The following PTPRD variants were observed in gnomAD, a reference collection of about 807,000 sequenced individuals.
PTPRD encodes the protein protein tyrosine phosphatase receptor type D, also known as receptor-type tyrosine-protein phosphatase delta.
A neutral mutation model predicts 214.5 loss-of-function variants in PTPRD; 34 were observed. The observed-to-expected ratio is 0.16, with a 90% confidence interval of 0.12 to 0.21. PTPRD has a LOEUF of 0.21. PTPRD is among the 10% of genes least tolerant of loss of function. PTPRD has a pLI of 1.00. For missense variants in PTPRD, 2,545 were observed against 2,398.7 expected (o/e 1.06, Z -1.27); for synonymous variants, 1,128 against 845.7 (o/e 1.33, Z -5.79).
At chr9:10,432,672 C>G (rs73406168) in intron 2 of PTPRD, among the ~76,000 whole-genome samples, 6,364 of 151,974 alleles carry the variant, frequency 0.042, 463 homozygotes, top group African/African-American at 0.14. Flanking sequence ...GATTAAAACA[C>G]CAATGCCCTC....
chr9:9,707,041 G>C (rs918845172), intron 7 of PTPRD, among the ~76,000 whole-genome samples: 3 of 152,090 alleles, frequency 2.0e-5, no homozygotes, highest in Non-Finnish European at 4.4e-5. Flanking sequence ...TATTATCTGA[G>C]ATTACAGATA....
At chr9:10,326,137 T>C (rs758411098) in intron 3 of PTPRD, among the ~76,000 whole-genome samples, 36 of 151,716 alleles carry the variant, frequency 2.4e-4, no homozygotes, top group Non-Finnish European at 1.0e-4. Context: ...AAAAACAATC[T>C]ACCATATTTG....
At position 8,618,920 on chromosome 9, in the gene PTPRD, T is replaced by G. The variant is rs866015854; in HGVS notation, c.352+14397A>C. 8.0e-3 allele frequency among the ~76,000 whole-genome samples: 1,131 copies of G among 141,304 alleles called. 19 individuals carry two copies. The highest frequency in any genetic ancestry group is 0.028 in the African/African-American group (1,062 of 37,698). 92.7% of individuals were successfully genotyped at this position (141,304 alleles called of 152,430 possible). A position where few individuals can be genotyped will look rare whatever the true frequency, so the allele number is the denominator to read the frequency against. ...TGTTTGTCTGTGTTTTTTTGTTTTT[T>G]TTTTTTTTTTTTTTTTTTTACCGGA... On this transcript the variant is annotated intron_variant, in intron 14 of 45. Transcript: ENST00000381196.
intron 11 of PTPRD, among the ~76,000 whole-genome samples, chr9:8,796,493 C>G (rs2096428082): frequency 6.6e-6 from 1 of 152,096 alleles, no homozygotes; most frequent in Non-Finnish European, 1.5e-5. Context: ...TATCAGTCAT[C>G]AGAGTACTTG....
chr9:8,873,736 G>T (rs1037754646), intron 11 of PTPRD, among the ~76,000 whole-genome samples: 1 of 152,198 alleles, frequency 6.6e-6, no homozygotes, highest in Non-Finnish European at 1.5e-5. Context: ...AAAGCATTGG[G>T]GGACTAGGTC....
intron 5 of PTPRD, among the ~76,000 whole-genome samples, chr9:9,830,333 T>C (rs1251710778): frequency 1.3e-5 from 2 of 151,880 alleles, no homozygotes; most frequent in Non-Finnish European, 2.9e-5. Context: ...TTTGTTTTCA[T>C]TTCATTTTAA....
intron 3 of PTPRD, among the ~76,000 whole-genome samples, chr9:10,276,044 T>C (rs2094669744): frequency 6.6e-6 from 1 of 152,226 alleles, no homozygotes; most frequent in Non-Finnish European, 1.5e-5. Flanking sequence ...TTAGTGACCC[T>C]GTACTAATGT....
chr9:9,052,592 C>T (rs950507619), intron 10 of PTPRD, among the ~76,000 whole-genome samples: 7 of 152,136 alleles, frequency 4.6e-5, no homozygotes, highest in Non-Finnish European at 8.8e-5. Flanking sequence ...GTAAGTCATA[C>T]AGTTAAGAGA....
intron 9 of PTPRD, among the ~76,000 whole-genome samples, chr9:9,242,473 C>T (rs567644385): frequency 3.3e-5 from 5 of 152,266 alleles, no homozygotes; most frequent in East Asian, 1.9e-4. Context: ...CTGTCACTTT[C>T]AGGTACACCA....
At chr9:9,094,029 C>A (rs540415851) in intron 10 of PTPRD, among the ~76,000 whole-genome samples, 1 of 152,132 alleles carries the variant, frequency 6.6e-6, no homozygotes, top group African/African-American at 2.4e-5. Context: ...TTAAGCTCAA[C>A]TTTATTAACA....
In PTPRD at chr9:10,306,229, A is replaced by G. The variant is rs374693554; in HGVS notation, c.-545+34734T>C. Among the ~76,000 whole-genome samples, 116 of 142,200 alleles carry G rather than the reference A, an allele frequency of 8.2e-4. 2 individuals are homozygous for G. The South Asian group carries it at 0.025, about 31-fold the overall frequency. The allele number at this position is 142,200 out of a possible 152,430, so 93.3% of individuals were successfully genotyped here. On this transcript the variant is annotated intron_variant, in intron 3 of 45. Coordinates refer to ENST00000381196, the MANE Select transcript of PTPRD (RefSeq NM_002839.4). ...TAAGTGGGAGTTGAACAATGAGAAC[A>G]CATGGACACAGGGAGGGGAACATCA...
intron 3 of PTPRD, among the ~76,000 whole-genome samples, chr9:10,219,870 G>T (rs1173374260): frequency 4.0e-5 from 6 of 151,598 alleles, no homozygotes; most frequent in Admixed American, 1.3e-4. Context: ...AACAAAGCCA[G>T]AAAGATTCAT....
intron 8 of PTPRD, among the ~76,000 whole-genome samples, chr9:9,544,525 A>C (rs7850061): frequency 2.0e-5 from 3 of 151,434 alleles, no homozygotes; most frequent in Non-Finnish European, 1.5e-5. Flanking sequence ...ATGATGCTAA[A>C]AGCAGTTTGA....
intron 10 of PTPRD, among the ~76,000 whole-genome samples, chr9:9,140,857 C>T (rs1334861269): frequency 1.3e-5 from 2 of 152,100 alleles, no homozygotes; most frequent in Non-Finnish European, 2.9e-5. Context: ...GGATTACAGG[C>T]GTGAGCCACC....
intron 3 of PTPRD, among the ~76,000 whole-genome samples, chr9:10,203,160 CCT>C: frequency 6.7e-6 from 1 of 149,758 alleles, no homozygotes; most frequent in Admixed American, 6.7e-5. Context: ...CTGTCTTCTC[CCT>C]CTCTCTCTTT....
At chr9:8,761,835 A>T in intron 11 of PTPRD, among the ~76,000 whole-genome samples, 1 of 152,178 alleles carries the variant, frequency 6.6e-6, no homozygotes, top group East Asian at 1.9e-4. Context: ...AAGAAGGAAG[A>T]TGAGATTACA....
chr9:10,506,121 A>C (rs896578351), intron 2 of PTPRD, among the ~76,000 whole-genome samples: 2 of 152,192 alleles, frequency 1.3e-5, no homozygotes, highest in African/African-American at 4.8e-5. Context: ...CATATTTCAT[A>C]GAAGAATGTA....
intron 2 of PTPRD, among the ~76,000 whole-genome samples, chr9:10,484,160 C>A (rs1566416281): frequency 6.6e-6 from 1 of 151,974 alleles, no homozygotes; most frequent in Non-Finnish European, 1.5e-5. Context: ...TTGGATGGAA[C>A]TGGATTCTTT....
intron 3 of PTPRD, among the ~76,000 whole-genome samples, chr9:10,297,088 T>C (rs1017742611): frequency 6.8e-6 from 1 of 147,710 alleles, no homozygotes; most frequent in African/African-American, 2.5e-5. Context: ...ATGGAGAAAG[T>C]CTGCATCAGA....
Sources: allele counts gnomAD v4.1 joint callset (sites outside exome capture counted in the v4.1 genomes callset), GRCh38; gene constraint gnomAD v4.1.1; transcripts MANE v1.5; gene names NCBI Gene and HGNC (gene_info 2026-07-23, HGNC 2026-07-21).